GP9: variants seen among roughly 807,000 people sequenced by gnomAD.
GP9 encodes platelet glycoprotein IX.
For synonymous variants in GP9, 116 were observed against 116.7 expected, an observed-to-expected ratio of 0.99 and a Z score of 0.04; for missense variants, 228 against 241.8, an observed-to-expected ratio of 0.94 and a Z score of 0.38.
In GP9 at chr3:129,061,756, C is replaced by A; in HGVS notation, c.17C>A (p.Ala6Asp). 1 of 1,612,786 alleles carries A rather than the reference C, an allele frequency of 6.2e-7. No individual in the cohort carries two copies. Among genetic ancestry groups the A allele is most frequent in the Admixed American group, 1.7e-5 (1 of 59,966 alleles). MPAWG[A>D]LFLLWATAEA... ...GCCTGTCCCATGCCTGCCTGGGGAG[C>A]CCTGTTCCTGCTCTGGGCCACAGCA... The change falls in exon 3 of 3, where the codon GCC becomes GAC. Residue 6 changes from alanine (A) to aspartate (D), a missense_variant. Physicochemically the swap from Ala to Asp is moderately radical, Grantham distance 126 (BLOSUM62 -2). Coordinates refer to ENST00000307395, the MANE Select transcript of GP9 (RefSeq NM_000174.5).
chr3:129,061,706 C>T, intron 2 of GP9, 22 bp from the exon 3 acceptor site: 1 of 1,591,876 alleles, frequency 6.3e-7, no homozygotes, highest in Non-Finnish European at 8.6e-7. Context: ...CAGGCCCTCC[C>T]TCACAGCCCC....
At chr3:129,055,908 G>C (rs1946517752), upstream of GP9, among the ~76,000 whole-genome samples, 1 of 152,072 alleles carries the variant, frequency 6.6e-6, no homozygotes. Flanking sequence ...GCCTCCCAAA[G>C]TGCTGGGATT....
At chr3:129,056,721 T>C (rs1369884358), upstream of GP9, among the ~76,000 whole-genome samples, 1 of 152,044 alleles carries the variant, frequency 6.6e-6, no homozygotes, top group Non-Finnish European at 1.5e-5. Context: ...GGGCTTCCCG[T>C]AAGAAGTTAT....
At chr3:129,060,487 C>G (rs1201413001), upstream of GP9, among the ~76,000 whole-genome samples, 1 of 152,248 alleles carries the variant, frequency 6.6e-6, no homozygotes, top group East Asian at 1.9e-4. Context: ...GAGGAACAAC[C>G]AGCAGAGCCA....
At chr3:129,055,875 C>A (rs1946517518), upstream of GP9, among the ~76,000 whole-genome samples, 1 of 152,056 alleles carries the variant, frequency 6.6e-6, no homozygotes, top group African/African-American at 2.4e-5. Flanking sequence ...GAACTCCTGG[C>A]CTCAAGTGAT....
chr3:129,056,273 G>A (rs916809427), upstream of GP9, among the ~76,000 whole-genome samples: 2 of 152,214 alleles, frequency 1.3e-5, no homozygotes, highest in African/African-American at 4.8e-5. Context: ...GCAAGCAGAG[G>A]CTCTGTTCCA....
chr3:129,060,046 T>C (rs908397261), upstream of GP9, among the ~76,000 whole-genome samples: 3 of 152,314 alleles, frequency 2.0e-5, no homozygotes, highest in East Asian at 3.9e-4. Context: ...CTCTGCCTCC[T>C]GGGTTCAAGC....
chr3:129,055,313 A>G, the GP9 span, among the ~76,000 whole-genome samples: 1 of 152,252 alleles, frequency 6.6e-6, no homozygotes, highest in African/African-American at 2.4e-5. Flanking sequence ...TTAAATGTAT[A>G]TAAATGTATT....
chr3:129,062,104 GC>G lies in GP9; in HGVS notation c.368del (p.Pro123ArgfsTer5). The G allele has an allele frequency of 6.2e-7, 1 of 1,601,836 alleles. No homozygotes were observed. Among genetic ancestry groups the G allele is most frequent in the Non-Finnish European group, 8.5e-7 (1 of 1,175,392 alleles). On this transcript the variant is annotated frameshift_variant, in exon 3 of 3. Transcript: ENST00000307395. LOFTEE classifies it low-confidence loss of function (END_TRUNC). Reference sequence around the variant, plus strand: ...GCCAGCCCCAGCCTCGCTGCCCATGGCCCGCTGGGCCGGCTGACAGGCTACC... The same window carrying G: ...GCCAGCCCCAGCCTCGCTGCCCATGGCCGCTGGGCCGGCTGACAGGCTACC... ...RCASPSLAAH[G>X]PLGRLTGYQL...
the GP9 span, among the ~76,000 whole-genome samples, chr3:129,054,925 A>T: frequency 6.6e-6 from 1 of 152,246 alleles, no homozygotes. Context: ...CTAGAGAAAA[A>T]GAAAAGCCTT....
chr3:129,057,877 A>G (rs575868575), upstream of GP9, among the ~76,000 whole-genome samples: 42 of 135,248 alleles, frequency 3.1e-4, no homozygotes, highest in Non-Finnish European at 4.7e-4. Flanking sequence ...CTTGTTGCTC[A>G]GCCTGGAGTG....
upstream of GP9, among the ~76,000 whole-genome samples, chr3:129,056,163 GC>G (rs1946520465): frequency 6.6e-6 from 1 of 152,226 alleles, no homozygotes; most frequent in Non-Finnish European, 1.5e-5. Flanking sequence ...AGGTCACAGA[GC>G]AAGTAAGTAG....
rs1380263145 is a variant in GP9 at position 129,062,386 on chromosome 3, C to A, written c.*113C>A. 4 of 721,310 alleles carry A rather than the reference C, an allele frequency of 5.5e-6. No individual in the cohort carries two copies. The highest frequency in any genetic ancestry group is 6.0e-5 in the Admixed American group (2 of 33,514). The allele number at this position is 721,310 out of a possible 1,614,324, so 44.7% of individuals were successfully genotyped here. A position where few individuals can be genotyped will look rare whatever the true frequency, so the allele number is the denominator to read the frequency against. ...CCACCAGAAGCCCAGAATAAACTGGCAGCTCAGCTGTTTTATATAAGCTCA... is the reference window on the plus strand; with the variant it reads ...CCACCAGAAGCCCAGAATAAACTGGAAGCTCAGCTGTTTTATATAAGCTCA... On this transcript the variant is annotated 3_prime_UTR_variant, in exon 3 of 3. Transcript: ENST00000307395.
Position 129,061,870 on chromosome 3 carries a change from C to A in GP9, c.131C>A (p.Thr44Lys). The stretch of plus-strand genomic sequence containing the variant: ...GTGGACTGCAGGGGCCACGGACTCA[C>A]GGCCCTGCCTGCCCTGCCGGCCCGC... ...LWVDCRGHGL[T>K]ALPALPARTR... Residue 44 changes from threonine to lysine, a missense_variant, in exon 3 of 3, where the codon ACG becomes AAG. Transcript: ENST00000307395. 1.2e-6 allele frequency: 2 copies of A among 1,612,742 alleles called. No individual in the cohort carries two copies. Among genetic ancestry groups the A allele is most frequent in the Non-Finnish European group, 1.7e-6 (2 of 1,179,626 alleles).
chr3:129,056,693 G>C (rs987843425), upstream of GP9, among the ~76,000 whole-genome samples: 1 of 152,184 alleles, frequency 6.6e-6, no homozygotes, highest in Non-Finnish European at 1.5e-5. Flanking sequence ...GCAAACGGCT[G>C]GGTGAGTGCG....
Position 129,062,136 on chromosome 3 carries a change from G to A in GP9, c.397G>A (p.Gly133Ser), listed in dbSNP as rs545191170. The A allele has an allele frequency of 1.9e-6, 3 of 1,590,076 alleles. No individual in the cohort carries two copies. The highest frequency in any genetic ancestry group is 4.6e-5 in the East Asian group (2 of 43,704). ...PLGRLTGYQL[G>S]SCGWQLQASW... Reference sequence around the variant, plus strand: ...GGGCCGGCTGACAGGCTACCAGCTGGGCAGCTGTGGCTGGCAGCTGCAGGC... The same window carrying A: ...GGGCCGGCTGACAGGCTACCAGCTGAGCAGCTGTGGCTGGCAGCTGCAGGC... The change falls in exon 3 of 3, where the codon GGC (glycine) becomes AGC (serine). Residue 133 changes from glycine to serine, a missense_variant. Coordinates refer to ENST00000307395, the MANE Select transcript of GP9 (RefSeq NM_000174.5).
upstream of GP9, among the ~76,000 whole-genome samples, chr3:129,058,295 G>T (rs1946539205): frequency 6.6e-6 from 1 of 152,236 alleles, no homozygotes; most frequent in African/African-American, 2.4e-5. Context: ...TCCTATTGCT[G>T]CTGTCACAAG....
chr3:129,059,669 G>A (rs1232173792), upstream of GP9, among the ~76,000 whole-genome samples: 1 of 152,148 alleles, frequency 6.6e-6, no homozygotes, highest in Non-Finnish European at 1.5e-5. Context: ...GGCCTCCTAG[G>A]AGGGTGAACA....
chr3:129,059,805 C>A (rs1420290067), upstream of GP9, among the ~76,000 whole-genome samples: 1 of 152,160 alleles, frequency 6.6e-6, no homozygotes, highest in Non-Finnish European at 1.5e-5. Context: ...GGATGTGAGA[C>A]CAAAATAAGA....
Sources: gnomAD v4.1 joint callset for allele counts (sites outside exome capture counted in the v4.1 genomes callset) on GRCh38, gnomAD v4.1.1 for gene constraint, MANE v1.5 for transcripts, NCBI Gene and HGNC (gene_info 2026-07-23, HGNC 2026-07-21) for gene names.